The following GALNT14 variants were observed in gnomAD, a reference collection of about 807,000 sequenced individuals.
The protein encoded by GALNT14 is polypeptide N-acetylgalactosaminyltransferase 14, also known as UDP-GalNAc:polypeptide N-acetylgalactosaminyltransferase 14.
A neutral mutation model predicts 77.5 loss-of-function variants in GALNT14; 60 were observed. The ratio of observed to expected loss-of-function variants is 0.77; its 90% CI spans 0.63 to 0.96. The LOEUF is 0.96. Ranked by LOEUF, GALNT14 falls within the 40% of genes least tolerant of loss-of-function variation. The pLI is 0.00. For missense variants in GALNT14, 710 were observed against 731.0 expected, an observed-to-expected ratio of 0.97 and a Z score of 0.33; for synonymous variants, 280 against 281.7, an observed-to-expected ratio of 0.99 and a Z score of 0.06.
At chr2:31,115,734 G>A (rs1678072681) in intron 1 of GALNT14, among the ~76,000 whole-genome samples, 1 of 152,144 alleles carries the variant, frequency 6.6e-6, no homozygotes, top group Non-Finnish European at 1.5e-5. Flanking sequence ...CAAGTGTAAG[G>A]AAGAAAAAGT....
chr2:31,133,522 G>A lies in GALNT14; in HGVS notation c.129+4436C>T, dbSNP rs941141148. Among the ~76,000 whole-genome samples the A allele has an allele frequency of 3.3e-5, 5 of 152,330 alleles. No homozygotes were observed. The South Asian group carries it at 8.3e-4, about 25-fold the overall frequency. ...CACCAATACACTTACATGGGCCAGA[G>A]GCATTTTATTCAAAGCCTTTACATT... On this transcript the variant is annotated intron_variant, in intron 1 of 14. Transcript: ENST00000349752.
intron 1 of GALNT14, among the ~76,000 whole-genome samples, chr2:31,106,970 G>T (rs1677590134): frequency 6.6e-6 from 1 of 152,186 alleles, no homozygotes; most frequent in African/African-American, 2.4e-5. Flanking sequence ...GGCACATGGA[G>T]ATTTCTGGGC....
chr2:30,898,679 G>A, the GALNT14 span, among the ~76,000 whole-genome samples: 1 of 152,198 alleles, frequency 6.6e-6, no homozygotes, highest in African/African-American at 2.4e-5. Flanking sequence ...CAATCAAAGT[G>A]AAAGATAAGC....
rs186596158 is a variant in GALNT14, at chr2:30,964,079, G to A, written c.398+2125C>T. Reference sequence around the variant, plus strand: ...AGCCCCTGATGGGGTGCATGTGTGTGATGGTGTCAGGGGATGGAGGCACCC... The same window carrying A: ...AGCCCCTGATGGGGTGCATGTGTGTAATGGTGTCAGGGGATGGAGGCACCC... On this transcript the variant is annotated intron_variant, in intron 3 of 14. Transcript: ENST00000349752. Among the ~76,000 whole-genome samples the A allele has an allele frequency of 1.9e-3, 295 of 152,348 alleles. 1 individual carries two copies. Among genetic ancestry groups the A allele is most frequent in the Non-Finnish European group, 3.4e-3 (229 of 68,032 alleles).
chr2:31,130,779 T>C (rs1252738621), intron 1 of GALNT14, among the ~76,000 whole-genome samples: 1,438 of 130,084 alleles, frequency 0.011, 33 homozygotes, highest in African/African-American at 0.046. Flanking sequence ...TGTGTGTGTG[T>C]GTGTGCGCGC....
At chr2:30,940,625 G>A (rs1666320456) in intron 9 of GALNT14, among the ~76,000 whole-genome samples, 1 of 152,214 alleles carries the variant, frequency 6.6e-6, no homozygotes, top group Non-Finnish European at 1.5e-5. Context: ...GAGAAAGGCT[G>A]GAACAAATCA....
intron 1 of GALNT14, among the ~76,000 whole-genome samples, chr2:31,097,455 G>T (rs1677057683): frequency 6.6e-6 from 1 of 151,402 alleles, no homozygotes; most frequent in Non-Finnish European, 1.5e-5. Flanking sequence ...TGTGCTCTAG[G>T]CATGTGAGAT....
At chr2:31,038,052 G>C (rs1421047859) in intron 1 of GALNT14, among the ~76,000 whole-genome samples, 1 of 106,834 alleles carries the variant, frequency 9.4e-6, no homozygotes, top group East Asian at 2.6e-4. Flanking sequence ...ATTTTGGTTA[G>C]TCCCTTATTT....
chr2:30,951,041 G>A (rs373413935), intron 6 of GALNT14, among the ~76,000 whole-genome samples: 5 of 152,206 alleles, frequency 3.3e-5, no homozygotes, highest in African/African-American at 4.8e-5. Flanking sequence ...TTTACCATAT[G>A]AGCCAGCAGC....
intron 1 of GALNT14, among the ~76,000 whole-genome samples, chr2:31,084,544 T>C (rs1045257819): frequency 6.6e-6 from 1 of 152,166 alleles, no homozygotes; most frequent in Non-Finnish European, 1.5e-5. Context: ...GCCTGGGCCA[T>C]GGAGTGGGGT....
chr2:30,910,289 T>A (rs997773783), downstream of GALNT14, among the ~76,000 whole-genome samples: 7 of 152,044 alleles, frequency 4.6e-5, no homozygotes, highest in East Asian at 3.9e-4. Context: ...TCAAAGAAGT[T>A]ACATGTCATT....
chr2:30,968,502 C>T (rs375375216), intron 2 of GALNT14, among the ~76,000 whole-genome samples: 1 of 152,192 alleles, frequency 6.6e-6, no homozygotes, highest in Non-Finnish European at 1.5e-5. Flanking sequence ...TGGGGACACT[C>T]GAGCAGCCCT....
intron 1 of GALNT14, among the ~76,000 whole-genome samples, chr2:31,036,992 G>A (rs1365456043): frequency 6.6e-6 from 1 of 152,148 alleles, no homozygotes; most frequent in Non-Finnish European, 1.5e-5. Context: ...CCTGTCTGGA[G>A]TCTGTTGAAC....
intron 1 of GALNT14, among the ~76,000 whole-genome samples, chr2:31,053,370 C>G (rs76178648): frequency 0.024 from 3,711 of 152,238 alleles, 171 homozygotes; most frequent in African/African-American, 0.083. Context: ...TGCCAACTCA[C>G]CCGCTAGCAC....
intron 1 of GALNT14, among the ~76,000 whole-genome samples, chr2:31,052,477 T>C (rs1408175574): frequency 6.6e-6 from 1 of 152,194 alleles, no homozygotes; most frequent in African/African-American, 2.4e-5. Context: ...GGACACTTTT[T>C]CAAAGAGCAG....
chr2:31,035,598 TATACACACACACACACACCTACACAC>T (rs1558512202), intron 1 of GALNT14, among the ~76,000 whole-genome samples: 72 of 107,560 alleles, frequency 6.7e-4, no homozygotes, highest in African/African-American at 3.3e-3. Context: ...TACATATACA[TATACACACACACACACACCTACACAC>T]ACACACACAC....
In GALNT14 at chr2:30,970,455, G is replaced by A. The variant is rs1365937652; in HGVS notation, c.300-4153C>T. On this transcript the variant is annotated intron_variant, in intron 2 of 14. Transcript: ENST00000349752. ...GCACGTAAGCACGTGGTGTTTAAAG[G>A]GTGCTGAGGAAATGGAAGCTAGAAT... Among the ~76,000 whole-genome samples, 3 of 152,138 alleles carry A rather than the reference G, an allele frequency of 2.0e-5. No individual in the cohort carries two copies. The East Asian group carries it at 5.8e-4, about 29-fold the overall frequency.
chr2:31,073,406 T>C (rs1009511596), intron 1 of GALNT14, among the ~76,000 whole-genome samples: 3 of 152,090 alleles, frequency 2.0e-5, no homozygotes, highest in South Asian at 4.1e-4. Context: ...TTGTGGACCT[T>C]GCATTCTAGT....
intron 9 of GALNT14, among the ~76,000 whole-genome samples, chr2:30,938,384 A>ACACACACACACTCTCTCT (rs1174119035): frequency 8.5e-5 from 12 of 141,782 alleles, no homozygotes; most frequent in African/African-American, 3.1e-4. Context: ...ACACACACAC[A>ACACACACACACTCTCTCT]CTCTCTCTCT....
Sources: allele counts gnomAD v4.1 joint callset (sites outside exome capture counted in the v4.1 genomes callset), GRCh38; gene constraint gnomAD v4.1.1; transcripts MANE v1.5; gene names NCBI Gene and HGNC (gene_info 2026-07-23, HGNC 2026-07-21).